ADAMTS9: variants seen among roughly 807,000 people sequenced by gnomAD.
ADAMTS9 encodes the protein ADAM metallopeptidase with thrombospondin type 1 motif 9.
In ADAMTS9, 107 loss-of-function variants were observed where a neutral mutation model predicts 257.1. The observed-to-expected ratio is 0.42, with a 90% confidence interval of 0.36 to 0.49. The LOEUF (loss-of-function observed/expected upper bound fraction) is 0.49. Among genes scored for constraint, ADAMTS9 ranks in the 20% least tolerant of loss-of-function variants. The pLI is 0.03. For missense variants in ADAMTS9, 2,353 were observed against 2,469.1 expected, an observed-to-expected ratio of 0.95 and a Z score of 1.00; for synonymous variants, 982 against 880.9, an observed-to-expected ratio of 1.11 and a Z score of -2.03.
At chr3:64,559,393 A>T (rs74491014) in intron 30 of ADAMTS9, among the ~76,000 whole-genome samples, 1,675 of 152,240 alleles carry the variant, frequency 0.011, 65 homozygotes, top group East Asian at 0.078. Flanking sequence ...TACTCCTATG[A>T]TATTCCGTCC....
intron 9 of ADAMTS9, chr3:64,650,028 C>CT: frequency 2.4e-6 from 1 of 409,774 alleles, no homozygotes; most frequent in Non-Finnish European, 4.3e-6. Flanking sequence ...CAACGTTGAT[C>CT]ACACTTCACA....
chr3:64,686,541 G>A lies in ADAMTS9; in HGVS notation c.516+27C>T. 6.4e-7 allele frequency: 1 copy of A among 1,570,846 alleles called. No individual in the cohort carries two copies. Among genetic ancestry groups the A allele is most frequent in the Non-Finnish European group, 8.6e-7 (1 of 1,157,484 alleles). ...AGAAGCGGGCGAGGAGGCGGAAGGGGAGAGGAGGTGGCGCGCGCCCACTTA... is the reference window on the plus strand; with the variant it reads ...AGAAGCGGGCGAGGAGGCGGAAGGGAAGAGGAGGTGGCGCGCGCCCACTTA... On this transcript the variant is annotated intron_variant, in intron 2 of 39. Coordinates refer to ENST00000498707, the MANE Select transcript of ADAMTS9 (RefSeq NM_182920.2). The surrounding 1 kb of genome is among the most constrained non-coding windows in gnomAD (Gnocchi z 4.6).
rs778788704 is a variant in ADAMTS9 at position 64,687,615 on chromosome 3, G to A, written c.43C>T (p.Arg15Trp). ...GGGCTCCCCATCTCGGCCAGGTCCC[G>A]CACCAGGAGCGTTAGCAGTGTGGCC... ...SWATLLTLLVRDLAEMGSPDA... is the reference protein window; with the variant it reads ...SWATLLTLLVWDLAEMGSPDA... The change falls in exon 1 of 40, where the codon CGG becomes TGG. Residue 15 changes from arginine (R) to tryptophan (W), a missense_variant. Arg to Trp is a moderately radical substitution (Grantham distance 101). Around this residue, in one of 3 missense-constraint regions of ADAMTS9, gnomAD observed 591 missense variants for 569.6 expected, o/e 1.04. Coordinates refer to ENST00000498707, the MANE Select transcript of ADAMTS9 (RefSeq NM_182920.2). This position sits in a 1 kb window ranked among gnomAD's most constrained non-coding sequence, Gnocchi z 4.4. 1.9e-6 allele frequency: 3 copies of A among 1,586,048 alleles called. No homozygotes were observed. The highest frequency in any genetic ancestry group is 1.4e-5 in the African/African-American group (1 of 73,942).
In ADAMTS9 at chr3:64,681,365, T is replaced by C. The variant is rs1161063845; in HGVS notation, c.517-2A>G. The C allele has an allele frequency of 1.2e-6, 2 of 1,608,160 alleles. No individual in the cohort carries two copies. Among genetic ancestry groups the C allele is most frequent in the Non-Finnish European group, 8.5e-7 (1 of 1,177,558 alleles). ...ATCATGAGACCGGAATGTGCCCAGC[T>C]GCAAATGAAGAGAGATGGGAGGTTG... On this transcript the variant is annotated splice_acceptor_variant, in intron 2 of 39. Coordinates refer to ENST00000498707, the MANE Select transcript of ADAMTS9 (RefSeq NM_182920.2). LOFTEE classifies it high-confidence loss of function.
chr3:64,595,469 C>A (rs1402181910), intron 27 of ADAMTS9, among the ~76,000 whole-genome samples: 2 of 152,204 alleles, frequency 1.3e-5, no homozygotes, highest in Non-Finnish European at 2.9e-5. Context: ...ATGATCTGGT[C>A]TGTGCTGACA....
chr3:64,687,902 G>A lies in ADAMTS9; in HGVS notation c.-245C>T. 1 of 381,722 alleles carries A rather than the reference G, an allele frequency of 2.6e-6. No homozygotes were observed. The highest frequency in any genetic ancestry group is 4.7e-6 in the Non-Finnish European group (1 of 211,394). 23.6% of individuals were successfully genotyped at this position (381,722 alleles called of 1,614,324 possible). ...AGGAGGAGCCGGAGGAGCAGGAGGAGGAGGAGGACTGGGGCTCGGCTGCTT... is the reference window on the plus strand; with the variant it reads ...AGGAGGAGCCGGAGGAGCAGGAGGAAGAGGAGGACTGGGGCTCGGCTGCTT... On this transcript the variant is annotated 5_prime_UTR_variant, in exon 1 of 40. Transcript: ENST00000498707. The surrounding 1 kb of genome is among the most constrained non-coding windows in gnomAD (Gnocchi z 4.4).
chr3:64,521,870 T>C (rs2082856456), intron 39 of ADAMTS9, among the ~76,000 whole-genome samples: 1 of 152,128 alleles, frequency 6.6e-6, no homozygotes, highest in South Asian at 2.1e-4. Flanking sequence ...GAAGCCTACA[T>C]CTCAACACAC....
rs535841645 is a variant in ADAMTS9, at chr3:64,686,831, C to T, written c.253G>A (p.Ala85Thr). Residue 85 changes from alanine (A) to threonine (T), a missense_variant, in exon 2 of 40, where the codon GCC (alanine) becomes ACC (threonine). Coordinates refer to ENST00000498707, the MANE Select transcript of ADAMTS9 (RefSeq NM_182920.2). This position sits in a 1 kb window ranked among gnomAD's most constrained non-coding sequence, Gnocchi z 4.6. ...GAGGAGGAAGAGGAGGAGGCGAAGG[C>T]AGGCCAGGGGTCAGTGGCAGAGTTA... Reference protein sequence around the residue: ...SINSATDPWPAFASSSSSSTS... With the variant: ...SINSATDPWPTFASSSSSSTS... 2.9e-5 allele frequency: 47 copies of T among 1,613,966 alleles called. No homozygotes were observed. The African/African-American group carries it at 3.9e-4, about 13-fold the overall frequency.
intron 30 of ADAMTS9, among the ~76,000 whole-genome samples, chr3:64,555,052 G>A (rs542918073): frequency 1.3e-5 from 2 of 152,304 alleles, no homozygotes; most frequent in South Asian, 4.2e-4. Flanking sequence ...ACCTTTTAAG[G>A]TTGTTGATTT....
At chr3:64,621,321 T>C (rs985715861) in intron 18 of ADAMTS9, 81 bp from the exon 19 acceptor site, 70 of 1,454,066 alleles carry the variant, frequency 4.8e-5, no homozygotes, top group Non-Finnish European at 6.3e-5. Context: ...GGCAAGCATT[T>C]TCTCTAAAGA....
At chr3:64,668,506 C>A (rs946684496) in intron 3 of ADAMTS9, among the ~76,000 whole-genome samples, 1 of 152,146 alleles carries the variant, frequency 6.6e-6, no homozygotes, top group African/African-American at 2.4e-5. Flanking sequence ...ATCTGTGTGA[C>A]CTCTGGTGAG....
At chr3:64,650,146 G>T in intron 9 of ADAMTS9, 1 of 168,786 alleles carries the variant, frequency 5.9e-6, no homozygotes. Flanking sequence ...CATGACAACA[G>T]GTGATTAGTA....
At chr3:64,624,259 A>G (rs963185350) in intron 16 of ADAMTS9, among the ~76,000 whole-genome samples, 1 of 151,798 alleles carries the variant, frequency 6.6e-6, no homozygotes, top group Admixed American at 6.6e-5. Context: ...AAGAAGAAAG[A>G]AAGGAAAAGA....
At chr3:64,555,737 A>C (rs978456322) in intron 30 of ADAMTS9, among the ~76,000 whole-genome samples, 6 of 152,324 alleles carry the variant, frequency 3.9e-5, no homozygotes, top group Non-Finnish European at 8.8e-5. Flanking sequence ...ACATCAGTTC[A>C]CCAGGCAAGG....
intron 37 of ADAMTS9, among the ~76,000 whole-genome samples, chr3:64,537,351 G>T (rs922713670): frequency 6.6e-6 from 1 of 152,118 alleles, no homozygotes; most frequent in African/African-American, 2.4e-5. Context: ...ATTTGAAAAA[G>T]GCAGGACAGG....
At chr3:64,547,021 C>G in intron 31 of ADAMTS9, 69 bp from the exon 32 acceptor site, 1 of 1,369,846 alleles carries the variant, frequency 7.3e-7, no homozygotes, top group Non-Finnish European at 1.0e-6. Context: ...AGGCCCCTGA[C>G]CTCCACACCA....
In ADAMTS9 at chr3:64,622,485, C is replaced by A; in HGVS notation, c.2491G>T (p.Gly831Trp). The A allele has an allele frequency of 6.2e-7, 1 of 1,614,102 alleles. No individual in the cohort carries two copies. Among genetic ancestry groups the A allele is most frequent in the Non-Finnish European group, 8.5e-7 (1 of 1,179,986 alleles). ...ATTCTTTCTACGGCAGTCTCGGACCCACTGTACTCTACCACAGCATTCCCA... is the reference window on the plus strand; with the variant it reads ...ATTCTTTCTACGGCAGTCTCGGACCAACTGTACTCTACCACAGCATTCCCA... ...RIGNAVVEYS[G>W]SETAVERINS... The change falls in exon 17 of 40, where the codon GGG becomes TGG. Residue 831 changes from glycine (G) to tryptophan (W), a missense_variant. Physicochemically the swap from Gly to Trp is radical, Grantham distance 184. This residue lies in a region of ADAMTS9 where 1,402 missense variants were observed against 1,441.4 expected (regional missense o/e 0.97). Transcript: ENST00000498707.
chr3:64,660,197 T>C (rs56346227), intron 3 of ADAMTS9, among the ~76,000 whole-genome samples: 5,961 of 152,232 alleles, frequency 0.039, 321 homozygotes, highest in African/African-American at 0.12. Context: ...AATTGTACAA[T>C]GAAGAAGTAT....
chr3:64,667,182 A>C (rs888310067), intron 3 of ADAMTS9, among the ~76,000 whole-genome samples: 1 of 152,192 alleles, frequency 6.6e-6, no homozygotes, highest in South Asian at 2.1e-4. Flanking sequence ...TGTTTCCATG[A>C]GAGTGGTTTA....
Sources: gnomAD v4.1 joint callset for allele counts (sites outside exome capture counted in the v4.1 genomes callset) on GRCh38, gnomAD v4.1.1 for gene constraint, gnomAD v4.1.1 regional missense constraint, Gnocchi (gnomAD v3.1) non-coding constraint, MANE v1.5 for transcripts, NCBI Gene and HGNC (gene_info 2026-07-23, HGNC 2026-07-21) for gene names.